Variants in GNG4 observed in about 807,000 individuals in gnomAD.
GNG4 encodes guanine nucleotide-binding protein G(I)/G(S)/G(O) subunit gamma-4.
In GNG4, 4 loss-of-function variants were observed where a neutral mutation model predicts 5.8. That is an observed-to-expected ratio of 0.69 (90% CI 0.34 to 1.57). GNG4 has a LOEUF of 1.57. Ranked by LOEUF, GNG4 falls within the 40% of genes most tolerant of loss-of-function variation. GNG4 has a pLI of 0.06. For synonymous variants in GNG4, 29 were observed against 32.9 expected (o/e 0.88, Z 0.41); for missense variants, 96 against 95.1 (o/e 1.01, Z -0.04).
intron 1 of GNG4, among the ~76,000 whole-genome samples, chr1:235,610,077 C>G (rs1336817672): frequency 2.6e-5 from 4 of 152,168 alleles, no homozygotes; most frequent in Admixed American, 2.6e-4. Context: ...CAGTAATGCC[C>G]TGCACGGTAG....
At chr1:235,561,251 C>T (rs868213624) in intron 3 of GNG4, among the ~76,000 whole-genome samples, 2 of 152,192 alleles carry the variant, frequency 1.3e-5, no homozygotes, top group Middle Eastern at 3.4e-3. Flanking sequence ...CCTCGTGATC[C>T]GCCCACCTCG....
intron 1 of GNG4, among the ~76,000 whole-genome samples, chr1:235,629,632 T>C (rs1252218859): frequency 6.6e-6 from 1 of 151,718 alleles, no homozygotes; most frequent in Non-Finnish European, 1.5e-5. Context: ...AGTCTTGCTC[T>C]GTTGCCCAGG....
intron 1 of GNG4, among the ~76,000 whole-genome samples, chr1:235,636,834 T>C (rs888431976): frequency 6.6e-6 from 1 of 152,014 alleles, no homozygotes; most frequent in African/African-American, 2.4e-5. Context: ...TCTAGGTCTT[T>C]CCCTGCTACC....
At chr1:235,600,099 G>GTTTTTTTTTT (rs1558492553) in intron 1 of GNG4, among the ~76,000 whole-genome samples, 4 of 51,412 alleles carry the variant, frequency 7.8e-5, no homozygotes, top group African/African-American at 2.4e-4. Context: ...GCGGAAGAAA[G>GTTTTTTTTTT]CTTTTTTTTT....
chr1:235,621,129 T>TA (rs982707775), intron 1 of GNG4, among the ~76,000 whole-genome samples: 8 of 149,588 alleles, frequency 5.3e-5, no homozygotes, highest in Middle Eastern at 6.9e-3. Flanking sequence ...ACCTTGGGTT[T>TA]AAAAAAAAGG....
chr1:235,650,241 G>A (rs905037763), upstream of GNG4, among the ~76,000 whole-genome samples: 2 of 21,802 alleles, frequency 9.2e-5, no homozygotes, highest in South Asian at 2.5e-3. Context: ...CTGTGGGGCG[G>A]GGCCGGGGGG....
At chr1:235,587,494 TG>T (rs1328121971) in intron 2 of GNG4, among the ~76,000 whole-genome samples, 3 of 1,740 alleles carry the variant, frequency 1.7e-3, no homozygotes, top group Non-Finnish European at 3.0e-3. Flanking sequence ...GGATGGGGGG[TG>T]GGGGTGTGTG....
chr1:235,559,226 G>C (rs1364616320), intron 3 of GNG4, among the ~76,000 whole-genome samples: 8 of 152,152 alleles, frequency 5.3e-5, no homozygotes, highest in Admixed American at 5.2e-4. Flanking sequence ...TACAGTTAAT[G>C]GTACAGCCAG....
chr1:235,593,794 G>A (rs1688050873), intron 2 of GNG4, among the ~76,000 whole-genome samples: 1 of 152,144 alleles, frequency 6.6e-6, no homozygotes, highest in Non-Finnish European at 1.5e-5. Context: ...GGTCTCGCTG[G>A]CTTCAGGAGT....
rs1459139771 is a variant in GNG4 at position 235,649,365 on chromosome 1, C to A, written c.-123+297G>T. On this transcript the variant is annotated intron_variant, in intron 1 of 3. Coordinates refer to ENST00000391854, the MANE Select transcript of GNG4 (RefSeq NM_001098722.2). This position sits in a 1 kb window ranked among gnomAD's most constrained non-coding sequence, Gnocchi z 5.7. ...CCCCCGAGCCCCCGCCTGCCTCATG[C>A]CGGAGGGACCGGGCGCCCCCAGCCC... Among the ~76,000 whole-genome samples the A allele has an allele frequency of 6.6e-6, 1 of 152,194 alleles. No homozygotes were observed. Among genetic ancestry groups the A allele is most frequent in the African/African-American group, 2.4e-5 (1 of 41,462 alleles).
At position 235,550,147 on chromosome 1, in the gene GNG4, G is replaced by C. The variant is rs545129696; in HGVS notation, c.*1962C>G. ...ATCGGGATCATATGAGTTTGGTTTAGGTAGGACCTTCAGGTTGATCTTAGA... is the reference window on the plus strand; with the variant it reads ...ATCGGGATCATATGAGTTTGGTTTACGTAGGACCTTCAGGTTGATCTTAGA... On this transcript the variant is annotated 3_prime_UTR_variant, in exon 4 of 4. Coordinates refer to ENST00000391854, the MANE Select transcript of GNG4 (RefSeq NM_001098722.2). 1 of 152,330 alleles carries C rather than the reference G, an allele frequency of 6.6e-6. No homozygotes were observed. Among genetic ancestry groups the C allele is most frequent in the South Asian group, 2.1e-4 (1 of 4,824 alleles). 9.4% of individuals were successfully genotyped at this position (152,330 alleles called of 1,614,324 possible).
rs4381171 is a variant in GNG4, at chr1:235,636,307, A to G, written c.-123+13355T>C. Reference sequence around the variant, plus strand: ...GCGGGTTCAGAAAGCCTTCTTCAGGAACAAGTTTTAGACGCTAAAGCCTTT... The same window carrying G: ...GCGGGTTCAGAAAGCCTTCTTCAGGGACAAGTTTTAGACGCTAAAGCCTTT... On this transcript the variant is annotated intron_variant, in intron 1 of 3. Coordinates refer to ENST00000391854, the MANE Select transcript of GNG4 (RefSeq NM_001098722.2). Among the ~76,000 whole-genome samples the G allele has an allele frequency of 2.6e-3, 389 of 152,346 alleles. 1 individual carries two copies. The highest frequency in any genetic ancestry group is 6.8e-3 in the Middle Eastern group (2 of 294).
intron 1 of GNG4, among the ~76,000 whole-genome samples, chr1:235,625,081 T>A (rs1256480298): frequency 6.6e-6 from 1 of 150,990 alleles, no homozygotes; most frequent in Non-Finnish European, 1.5e-5. Flanking sequence ...GGCCCCAGCC[T>A]GGCAAAGGGG....
chr1:235,582,383 C>T (rs1283214590), intron 3 of GNG4, among the ~76,000 whole-genome samples: 8 of 152,240 alleles, frequency 5.3e-5, no homozygotes, highest in Non-Finnish European at 8.8e-5. Context: ...TAGCTCACAC[C>T]GGCCTTTCCT....
Position 235,556,463 on chromosome 1 carries a change from C to T in GNG4, c.100-4226G>A, listed in dbSNP as rs969358801. Among the ~76,000 whole-genome samples the T allele has an allele frequency of 2.0e-5, 3 of 149,234 alleles. No individual in the cohort carries two copies. The East Asian group carries it at 6.0e-4, about 30-fold the overall frequency. On this transcript the variant is annotated intron_variant, in intron 3 of 3. Transcript: ENST00000391854. ...ATCCCAGCTACTCGGGAGGCTGAGG[C>T]AGGAGAATTGCTTGAACCAGGGAGT...
At chr1:235,616,366 C>T (rs1192515415) in intron 1 of GNG4, 7 of 417,102 alleles carry the variant, frequency 1.7e-5, no homozygotes, top group South Asian at 5.7e-5. Flanking sequence ...TGCTGGTCCT[C>T]GTGATATATT....
chr1:235,580,741 TTTTTG>T (rs1287453454), intron 3 of GNG4, among the ~76,000 whole-genome samples: 1 of 127,974 alleles, frequency 7.8e-6, no homozygotes, highest in African/African-American at 3.9e-5. Flanking sequence ...CCTATCCCGT[TTTTTG>T]TTTTTTTTTT....
intron 1 of GNG4, among the ~76,000 whole-genome samples, chr1:235,641,781 C>T (rs915032123): frequency 2.0e-5 from 3 of 152,260 alleles, no homozygotes; most frequent in East Asian, 3.9e-4. Context: ...GGGAGGTCAC[C>T]TTAACCTCGG....
At chr1:235,621,707 T>C (rs1232390880) in intron 1 of GNG4, among the ~76,000 whole-genome samples, 1 of 151,692 alleles carries the variant, frequency 6.6e-6, no homozygotes, top group African/African-American at 2.4e-5. Context: ...GACAGAGTCT[T>C]GCTCAGTCAC....
Sources: allele counts gnomAD v4.1 joint callset (sites outside exome capture counted in the v4.1 genomes callset), GRCh38; gene constraint gnomAD v4.1.1; non-coding constraint Gnocchi (gnomAD v3.1); transcripts MANE v1.5; gene names NCBI Gene and HGNC (gene_info 2026-07-23, HGNC 2026-07-21).